Variants in GABRB3 observed in about 807,000 individuals in gnomAD.
The protein encoded by GABRB3 is gamma-aminobutyric acid receptor subunit beta-3.
Under a neutral mutation model 52.1 loss-of-function variants are expected in GABRB3, and 14 were observed. The observed-to-expected ratio is 0.27, with a 90% CI of 0.18 to 0.42. The LOEUF (loss-of-function observed/expected upper bound fraction) is 0.42. GABRB3 is among the 10% of genes least tolerant of loss of function. GABRB3 has a pLI of 1.00. For synonymous variants in GABRB3, 260 were observed against 232.3 expected, an observed-to-expected ratio of 1.12 and a Z score of -1.08; for missense variants, 307 against 609.1, an observed-to-expected ratio of 0.50 and a Z score of 5.22.
intron 3 of GABRB3, chr15:26,624,306 TCTA>T (rs1892601419): frequency 2.0e-6 from 2 of 985,508 alleles, no homozygotes; most frequent in African/African-American, 1.7e-5. Context: ...ACAGAGTTTC[TCTA>T]CTATCACCCT....
intron 8 of GABRB3, chr15:26,558,041 G>T (rs184299846): frequency 6.6e-6 from 1 of 152,108 alleles, no homozygotes; most frequent in Non-Finnish European, 1.5e-5. Flanking sequence ...AGACAGCGTT[G>T]TATGTGTATG....
intron 3 of GABRB3, among the ~76,000 whole-genome samples, chr15:26,730,337 G>A (rs543658489): frequency 6.7e-6 from 1 of 148,588 alleles, no homozygotes; most frequent in Non-Finnish European, 1.5e-5. Context: ...AGAATGGCGT[G>A]AACCCGGGAG....
Position 26,608,095 on chromosome 15 carries a change from G to A in GABRB3, c.461+13219C>T, listed in dbSNP as rs552494082. Among the ~76,000 whole-genome samples, 7 of 139,336 alleles carry A rather than the reference G, an allele frequency of 5.0e-5. No individual in the cohort carries two copies. The South Asian group carries it at 1.6e-3, about 31-fold the overall frequency. The allele number at this position is 139,336 out of a possible 152,430, so 91.4% of individuals were successfully genotyped here. A position where few individuals can be genotyped will look rare whatever the true frequency, so the allele number is the denominator to read the frequency against. ...AAGCTATAGTAATTAAAACAGCATG[G>A]TACTGGCAAAAAAAAAAAAAAAGGC... is the stretch of plus-strand genomic sequence containing the variant. On this transcript the variant is annotated intron_variant, in intron 4 of 8. Coordinates refer to ENST00000311550, the MANE Select transcript of GABRB3 (RefSeq NM_000814.6).
chr15:26,732,026 G>A (rs11631129), intron 3 of GABRB3, among the ~76,000 whole-genome samples: 1 of 152,142 alleles, frequency 6.6e-6, no homozygotes, highest in Non-Finnish European at 1.5e-5. Context: ...TGGTTGGATG[G>A]ATGGATGGGC....
chr15:26,640,828 T>A (rs981265351), intron 3 of GABRB3, among the ~76,000 whole-genome samples: 1 of 152,250 alleles, frequency 6.6e-6, no homozygotes, highest in African/African-American at 2.4e-5. Flanking sequence ...GAATTGTGCA[T>A]GCCAGATTCA....
At chr15:26,624,048 GGGGTAGAA>G in intron 3 of GABRB3, among the ~76,000 whole-genome samples, 1 of 152,196 alleles carries the variant, frequency 6.6e-6, no homozygotes, top group Non-Finnish European at 1.5e-5. Context: ...GTGAGTTCAA[GGGGTAGAA>G]GGGATGGTGT....
At chr15:26,698,462 T>C (rs1888815975) in intron 3 of GABRB3, among the ~76,000 whole-genome samples, 1 of 150,886 alleles carries the variant, frequency 6.6e-6, no homozygotes, top group African/African-American at 2.5e-5. Flanking sequence ...TACACATTTA[T>C]AGGGTACTGC....
intron 8 of GABRB3, among the ~76,000 whole-genome samples, chr15:26,556,888 C>T (rs1367084911): frequency 6.6e-6 from 1 of 152,006 alleles, no homozygotes; most frequent in Non-Finnish European, 1.5e-5. Flanking sequence ...CAATGACAAG[C>T]CAAGTCCCTG....
At chr15:26,598,065 A>G (rs1891460141) in intron 4 of GABRB3, among the ~76,000 whole-genome samples, 1 of 152,222 alleles carries the variant, frequency 6.6e-6, no homozygotes, top group Non-Finnish European at 1.5e-5. Context: ...CCTGTGTAAC[A>G]TAAAGATAGA....
At chr15:26,771,896 CAG>C (rs1196687365) in intron 3 of GABRB3, 7 of 152,716 alleles carry the variant, frequency 4.6e-5, no homozygotes, top group African/African-American at 9.6e-5. Context: ...GGAAAAACCG[CAG>C]AGACACCCCT....
intron 3 of GABRB3, chr15:26,629,015 G>GGA: frequency 6.5e-7 from 1 of 1,536,158 alleles, no homozygotes; most frequent in Non-Finnish European, 8.7e-7. Flanking sequence ...GGGACACGAG[G>GGA]GAGTCTCCCG....
At chr15:26,586,257 A>G (rs1253986456) in intron 4 of GABRB3, among the ~76,000 whole-genome samples, 2 of 152,072 alleles carry the variant, frequency 1.3e-5, no homozygotes, top group African/African-American at 4.8e-5. Context: ...TTGGTCTCCT[A>G]AAGTGCTGGG....
At chr15:26,727,632 C>T (rs1262879778) in intron 3 of GABRB3, among the ~76,000 whole-genome samples, 1 of 152,158 alleles carries the variant, frequency 6.6e-6, no homozygotes, top group Non-Finnish European at 1.5e-5. Context: ...ATATTAGAAA[C>T]CAAGATCAGG....
rs139357596 is a variant in GABRB3, at chr15:26,691,685, G to T, written c.241-70151C>A. 4.1e-3 allele frequency among the ~76,000 whole-genome samples: 624 copies of T among 152,264 alleles called. 1 individual carries two copies. Among genetic ancestry groups the T allele is most frequent in the African/African-American group, 7.6e-3 (316 of 41,552 alleles). ...TTACTTATCTGTTCCTTCCCTGGGG[G>T]TTCTTCTATACTTAATTAATTTCCT... On this transcript the variant is annotated intron_variant, in intron 3 of 8. Transcript: ENST00000311550.
chr15:26,623,019 T>C (rs1222366909), intron 3 of GABRB3, among the ~76,000 whole-genome samples: 1 of 152,180 alleles, frequency 6.6e-6, no homozygotes, highest in African/African-American at 2.4e-5. Flanking sequence ...CAGACACTTT[T>C]GTGGGCACAG....
rs1889218261 is a variant in GABRB3 at position 26,545,884 on chromosome 15, T to C, written c.*1909A>G. 1 of 152,588 alleles carries C rather than the reference T, an allele frequency of 6.6e-6. No homozygotes were observed. The highest frequency in any genetic ancestry group is 1.5e-5 in the Non-Finnish European group (1 of 68,030). The allele number at this position is 152,588 out of a possible 1,614,324, so 9.5% of individuals were successfully genotyped here. A position where few individuals can be genotyped will look rare whatever the true frequency, so the allele number is the denominator to read the frequency against. The stretch of plus-strand genomic sequence containing the variant: ...GGGAAAAGGGTCTAAAAGTAGGTAA[T>C]TGCCTCTAGCGTGAGATTTTGTGGA... On this transcript the variant is annotated 3_prime_UTR_variant, in exon 9 of 9. Transcript: ENST00000311550.
intron 4 of GABRB3, among the ~76,000 whole-genome samples, chr15:26,588,257 T>G (rs1268321449): frequency 6.6e-6 from 1 of 152,152 alleles, no homozygotes; most frequent in Admixed American, 6.5e-5. Context: ...ACAGGGATGG[T>G]GCTAATTCAT....
At chr15:26,673,382 A>T (rs1424455244) in intron 3 of GABRB3, among the ~76,000 whole-genome samples, 1 of 152,102 alleles carries the variant, frequency 6.6e-6, no homozygotes, top group Non-Finnish European at 1.5e-5. Flanking sequence ...TGTTCTTCAC[A>T]TTCTCTCTGG....
At chr15:26,619,619 G>A (rs1892397203) in intron 4 of GABRB3, among the ~76,000 whole-genome samples, 1 of 151,588 alleles carries the variant, frequency 6.6e-6, no homozygotes, top group Admixed American at 6.6e-5. Flanking sequence ...GTATACATAT[G>A]TAACTAACCT....
Sources: allele counts gnomAD v4.1 joint callset (sites outside exome capture counted in the v4.1 genomes callset), GRCh38; gene constraint gnomAD v4.1.1; transcripts MANE v1.5; gene names NCBI Gene and HGNC (gene_info 2026-07-23, HGNC 2026-07-21).